The following DPH6 variants were observed in gnomAD, a reference collection of about 807,000 sequenced individuals.
DPH6 encodes the protein diphthine--ammonia ligase.
DPH6 carries 33 observed loss-of-function variants against 38.2 expected under a neutral mutation model. The ratio of observed to expected loss-of-function variants is 0.86; its 90% CI spans 0.65 to 1.15. The LOEUF (loss-of-function observed/expected upper bound fraction) is 1.15, where lower values mean the gene tolerates loss of function less well. DPH6 is among the 50% of genes most tolerant of loss of function. The pLI, the probability that DPH6 is intolerant of heterozygous loss-of-function variation, is 0.00. For synonymous variants in DPH6, 108 were observed against 103.0 expected (o/e 1.05, Z -0.30); for missense variants, 325 against 320.0 (o/e 1.02, Z -0.12).
chr15:35,482,660 G>A (rs1211371848), intron 3 of DPH6, among the ~76,000 whole-genome samples: 1 of 152,120 alleles, frequency 6.6e-6, no homozygotes, highest in South Asian at 2.1e-4. Context: ...TGAGTATTCA[G>A]ATGCAAAATG....
intron 3 of DPH6, among the ~76,000 whole-genome samples, chr15:35,335,445 T>A (rs2140868917): frequency 6.6e-6 from 1 of 152,170 alleles, no homozygotes; most frequent in East Asian, 1.9e-4. Flanking sequence ...TTGCTTTTGT[T>A]ATCTTTGTCA....
chr15:35,288,820 T>C (rs752661274), intron 3 of DPH6, among the ~76,000 whole-genome samples: 18 of 152,136 alleles, frequency 1.2e-4, no homozygotes, highest in Non-Finnish European at 2.4e-4. Context: ...AGGAAAACAT[T>C]TGCCATCCCC....
At chr15:35,521,707 A>T in intron 3 of DPH6, 5 of 1,231,336 alleles carry the variant, frequency 4.1e-6, no homozygotes, top group Non-Finnish European at 4.0e-6. Flanking sequence ...TATTAAAATC[A>T]ATTTTAGTCA....
At chr15:35,196,413 G>A in the DPH6 span, among the ~76,000 whole-genome samples, 6 of 152,184 alleles carry the variant, frequency 3.9e-5, no homozygotes, top group Admixed American at 2.6e-4. Context: ...GTTAAAGCCA[G>A]TAGAGTTCGG....
At chr15:35,394,066 C>T (rs877163) in intron 6 of DPH6, among the ~76,000 whole-genome samples, 39,871 of 151,980 alleles carry the variant, frequency 0.26, 5,401 homozygotes, top group South Asian at 0.38. Flanking sequence ...TATTGTTACG[C>T]TTCTCTGACT....
intron 6 of DPH6, among the ~76,000 whole-genome samples, chr15:35,407,248 A>T (rs965049942): frequency 2.2e-5 from 3 of 138,186 alleles, no homozygotes; most frequent in Non-Finnish European, 4.6e-5. Flanking sequence ...AAAAGAATTT[A>T]TGCATTTTTT....
At chr15:35,459,029 CAT>C (rs2054031070) in intron 3 of DPH6, among the ~76,000 whole-genome samples, 1 of 152,262 alleles carries the variant, frequency 6.6e-6, no homozygotes, top group East Asian at 1.9e-4. Flanking sequence ...AAAATATATA[CAT>C]GTTTTAAAAG....
At chr15:35,199,592 C>T in the DPH6 span, among the ~76,000 whole-genome samples, 5 of 151,992 alleles carry the variant, frequency 3.3e-5, no homozygotes, top group South Asian at 8.3e-4. Context: ...ACAGTAAGGA[C>T]AAGAATCCAA....
chr15:35,348,486 T>A (rs1178794454), intron 3 of DPH6, among the ~76,000 whole-genome samples: 1 of 152,152 alleles, frequency 6.6e-6, no homozygotes, highest in Non-Finnish European at 1.5e-5. Flanking sequence ...CTCTTTGTTC[T>A]GTTACATGGG....
chr15:35,261,062 T>C (rs1057407422), intron 3 of DPH6, among the ~76,000 whole-genome samples: 1 of 152,264 alleles, frequency 6.6e-6, no homozygotes, highest in African/African-American at 2.4e-5. Flanking sequence ...CAATCTATTA[T>C]ATCAGTTCCT....
chr15:35,192,162 C>T, the DPH6 span, among the ~76,000 whole-genome samples: 1 of 152,148 alleles, frequency 6.6e-6, no homozygotes, highest in Non-Finnish European at 1.5e-5. Flanking sequence ...CAGGGTTAAA[C>T]ATGATCATGT....
chr15:35,237,503 T>G, intron 3 of DPH6: 1 of 1,565,118 alleles, frequency 6.4e-7, no homozygotes, highest in Non-Finnish European at 8.8e-7. Flanking sequence ...AACTGCAAAC[T>G]TACCGAAGTT....
intron 3 of DPH6, among the ~76,000 whole-genome samples, chr15:35,514,333 A>G (rs554734555): frequency 7.9e-5 from 12 of 152,264 alleles, no homozygotes; most frequent in African/African-American, 2.2e-4. Context: ...AAATTTCTAC[A>G]TAAGTATAAA....
chr15:35,263,868 C>A (rs533405290), intron 3 of DPH6, among the ~76,000 whole-genome samples: 4 of 152,084 alleles, frequency 2.6e-5, no homozygotes, highest in African/African-American at 9.6e-5. Flanking sequence ...CCCACCACCA[C>A]GCCTGGCTAA....
chr15:35,309,904 A>G (rs2052125825), intron 3 of DPH6, among the ~76,000 whole-genome samples: 1 of 152,226 alleles, frequency 6.6e-6, no homozygotes, highest in Admixed American at 6.5e-5. Flanking sequence ...GTGAATATCT[A>G]TAATCAGTGG....
At chr15:35,415,138 C>T (rs2141002111) in intron 5 of DPH6, among the ~76,000 whole-genome samples, 1 of 151,958 alleles carries the variant, frequency 6.6e-6, no homozygotes, top group Non-Finnish European at 1.5e-5. Context: ...CACATTTTTC[C>T]TTCTTATATT....
chr15:35,521,981 G>A (rs1390476801), intron 3 of DPH6: 3 of 1,462,814 alleles, frequency 2.1e-6, no homozygotes, highest in Non-Finnish European at 2.7e-6. Context: ...ACTAAACTAA[G>A]CCGTCAACTA....
chr15:35,506,704 A>C (rs1361476904), intron 3 of DPH6, among the ~76,000 whole-genome samples: 1 of 152,176 alleles, frequency 6.6e-6, no homozygotes, highest in Non-Finnish European at 1.5e-5. Context: ...CATTGTCATG[A>C]TTTTTAAACA....
intron 3 of DPH6, among the ~76,000 whole-genome samples, chr15:35,303,945 G>A (rs964716123): frequency 5.9e-5 from 9 of 151,782 alleles, no homozygotes; most frequent in Non-Finnish European, 1.3e-4. Flanking sequence ...TAGCAAAAAT[G>A]GTGTAATACT....
Sources: gnomAD v4.1 joint callset for allele counts (sites outside exome capture counted in the v4.1 genomes callset) on GRCh38, gnomAD v4.1.1 for gene constraint, MANE v1.5 for transcripts, NCBI Gene and HGNC (gene_info 2026-07-23, HGNC 2026-07-21) for gene names.